The following PPP1R2 variants were observed in gnomAD, a reference collection of about 807,000 sequenced individuals.
The protein encoded by PPP1R2 is protein phosphatase 1 regulatory inhibitor subunit 2.
In PPP1R2, 16 loss-of-function variants were observed where a neutral mutation model predicts 29.9. The observed-to-expected ratio is 0.53, with a 90% CI of 0.36 to 0.81. The LOEUF is 0.81. Among genes scored for constraint, PPP1R2 ranks in the 30% least tolerant of loss-of-function variants. The probability of loss-of-function intolerance (pLI) is 0.00; values close to 1 mark genes in which losing one functional copy is unlikely to be tolerated. For missense variants in PPP1R2, 197 were observed against 252.7 expected (o/e 0.78, Z 1.49); for synonymous variants, 76 against 91.5 (o/e 0.83, Z 0.96).
chr3:195,520,137 G>A (rs554979336), intron 4 of PPP1R2, among the ~76,000 whole-genome samples: 1 of 152,180 alleles, frequency 6.6e-6, no homozygotes, highest in African/African-American at 2.4e-5. Flanking sequence ...AGTCTCCCGA[G>A]TAGTTGGGAT....
chr3:195,516,061 G>C lies in PPP1R2; in HGVS notation c.*835C>G, dbSNP rs766947037. On this transcript the variant is annotated 3_prime_UTR_variant, in exon 6 of 6. Coordinates refer to ENST00000618156, the MANE Select transcript of PPP1R2 (RefSeq NM_006241.8). ...AAAAGGTAGAAGATTGTGTGCGTAT[G>C]TGTGGAAAGGAGTAGGAAAGAAAAG... 8 of 152,276 alleles carry C rather than the reference G, an allele frequency of 5.3e-5. No homozygotes were observed. The highest frequency in any genetic ancestry group is 1.0e-4 in the Non-Finnish European group (7 of 67,992). 9.4% of individuals were successfully genotyped at this position (152,276 alleles called of 1,614,324 possible).
chr3:195,535,451 G>A (rs958879828), intron 1 of PPP1R2, among the ~76,000 whole-genome samples: 5 of 152,192 alleles, frequency 3.3e-5, no homozygotes, highest in Non-Finnish European at 7.3e-5. Flanking sequence ...ATTCCTGCTC[G>A]AGAAAACTGT....
intron 4 of PPP1R2, among the ~76,000 whole-genome samples, chr3:195,522,385 A>AT (rs1718794547): frequency 6.6e-6 from 1 of 152,242 alleles, no homozygotes; most frequent in Admixed American, 6.5e-5. Context: ...TAATTCAGTA[A>AT]TAACCCCACC....
chr3:195,535,798 G>C (rs1719356805), intron 1 of PPP1R2, among the ~76,000 whole-genome samples: 1 of 152,182 alleles, frequency 6.6e-6, no homozygotes, highest in Non-Finnish European at 1.5e-5. Context: ...CTAAACAGTA[G>C]AAGGAAGATT....
At position 195,532,218 on chromosome 3, in the gene PPP1R2, T is replaced by TTTC. The variant is rs796770330; in HGVS notation, c.123-2318_123-2317insGAA. Among the ~76,000 whole-genome samples, 3 of 145,504 alleles carry TTTC rather than the reference T, an allele frequency of 2.1e-5. 1 individual carries two copies. The highest frequency in any genetic ancestry group is 2.0e-4 in the East Asian group (1 of 4,958). On this transcript the variant is annotated intron_variant, in intron 1 of 5. Coordinates refer to ENST00000618156, the MANE Select transcript of PPP1R2 (RefSeq NM_006241.8). ...GCTAATTTTTCTTTTTCTTTTTCTT[T>TTTC]TTTTTTTTTTTTTTTTACAGGTGGA...
At chr3:195,528,459 A>G (rs1216172847) in intron 2 of PPP1R2, among the ~76,000 whole-genome samples, 1 of 151,926 alleles carries the variant, frequency 6.6e-6, no homozygotes, top group Non-Finnish European at 1.5e-5. Flanking sequence ...AATATCTTCA[A>G]GTTTTTTATT....
At chr3:195,535,405 A>G (rs1011350026) in intron 1 of PPP1R2, among the ~76,000 whole-genome samples, 1 of 152,232 alleles carries the variant, frequency 6.6e-6, no homozygotes, top group Admixed American at 6.5e-5. Context: ...GTTGTTACAG[A>G]AAAAGCTAAG....
intron 1 of PPP1R2, among the ~76,000 whole-genome samples, chr3:195,538,628 G>A (rs1278414235): frequency 6.6e-6 from 1 of 151,800 alleles, no homozygotes; most frequent in African/African-American, 2.4e-5. Context: ...TTACATCAAA[G>A]GAAATTAAGG....
At chr3:195,520,696 T>G (rs1413813918) in intron 4 of PPP1R2, among the ~76,000 whole-genome samples, 1 of 152,166 alleles carries the variant, frequency 6.6e-6, no homozygotes, top group Non-Finnish European at 1.5e-5. Flanking sequence ...TTTTAAATTT[T>G]AATTTTTAGA....
intron 3 of PPP1R2, among the ~76,000 whole-genome samples, chr3:195,524,319 C>T (rs1339868208): frequency 2.6e-5 from 4 of 152,250 alleles, no homozygotes; most frequent in South Asian, 2.1e-4. Context: ...GTCAAGAGTT[C>T]GAGACCAGCC....
intron 1 of PPP1R2, among the ~76,000 whole-genome samples, chr3:195,530,774 T>C (rs966324661): frequency 6.6e-6 from 1 of 151,782 alleles, no homozygotes; most frequent in Non-Finnish European, 1.5e-5. Context: ...TCTGCCTGCC[T>C]TGGCCTCCCA....
At chr3:195,533,510 C>A (rs1471198391) in intron 1 of PPP1R2, among the ~76,000 whole-genome samples, 2 of 152,136 alleles carry the variant, frequency 1.3e-5, no homozygotes, top group Non-Finnish European at 2.9e-5. Context: ...CCATGGGAGT[C>A]ATACAAAATG....
At chr3:195,520,959 G>A (rs988663588) in intron 4 of PPP1R2, among the ~76,000 whole-genome samples, 4 of 151,940 alleles carry the variant, frequency 2.6e-5, no homozygotes, top group East Asian at 1.9e-4. Context: ...GTAAGACACC[G>A]CACCTGGCCA....
chr3:195,541,842 C>T (rs908766038), intron 1 of PPP1R2, among the ~76,000 whole-genome samples: 7 of 152,120 alleles, frequency 4.6e-5, no homozygotes, highest in African/African-American at 1.7e-4. Flanking sequence ...AACCTATGAA[C>T]CTACTCAATA....
intron 3 of PPP1R2, among the ~76,000 whole-genome samples, chr3:195,524,320 G>A (rs538050568): frequency 2.6e-5 from 4 of 152,298 alleles, no homozygotes; most frequent in Admixed American, 2.0e-4. Flanking sequence ...TCAAGAGTTC[G>A]AGACCAGCCT....
chr3:195,528,668 AT>A (rs1719063864), intron 2 of PPP1R2: 1 of 50,566 alleles, frequency 2.0e-5, no homozygotes. Flanking sequence ...GAAATCTTTT[AT>A]TTTTTTCAAT....
chr3:195,521,576 T>C (rs1315220384), intron 4 of PPP1R2, among the ~76,000 whole-genome samples: 1 of 152,100 alleles, frequency 6.6e-6, no homozygotes, highest in South Asian at 2.1e-4. Flanking sequence ...ATATATAAAA[T>C]ATATTGTGCA....
chr3:195,518,035 A>T (rs1318326996), intron 5 of PPP1R2, among the ~76,000 whole-genome samples: 1 of 152,202 alleles, frequency 6.6e-6, no homozygotes, highest in Admixed American at 6.5e-5. Flanking sequence ...ACCACAAATA[A>T]CATCAGTTAC....
intron 4 of PPP1R2, among the ~76,000 whole-genome samples, chr3:195,522,398 T>G (rs1008600840): frequency 1.3e-5 from 2 of 152,114 alleles, no homozygotes; most frequent in Non-Finnish European, 1.5e-5. Context: ...ACCCCACCAG[T>G]GGAAAATGAA....
Sources: gnomAD v4.1 joint callset for allele counts (sites outside exome capture counted in the v4.1 genomes callset) on GRCh38, gnomAD v4.1.1 for gene constraint, MANE v1.5 for transcripts, NCBI Gene and HGNC (gene_info 2026-07-23, HGNC 2026-07-21) for gene names.